EPHA7: variants seen among roughly 807,000 people sequenced by gnomAD.
EPHA7 encodes EPH receptor A7.
A neutral mutation model predicts 112.6 loss-of-function variants in EPHA7; 25 were observed. That is an observed-to-expected ratio of 0.22 (90% CI 0.16 to 0.31). The LOEUF is 0.31. Among genes scored for constraint, EPHA7 ranks in the 10% least tolerant of loss-of-function variants. The probability of loss-of-function intolerance (pLI) is 1.00; values close to 1 mark genes in which losing one functional copy is unlikely to be tolerated. For synonymous variants in EPHA7, 437 were observed against 406.5 expected, an observed-to-expected ratio of 1.07 and a Z score of -0.90; for missense variants, 962 against 1,212.6, an observed-to-expected ratio of 0.79 and a Z score of 3.07.
At chr6:93,300,178 C>G (rs1014204365) in intron 5 of EPHA7, among the ~76,000 whole-genome samples, 1 of 152,088 alleles carries the variant, frequency 6.6e-6, no homozygotes, top group Admixed American at 6.5e-5. Context: ...TTGTTTCTCA[C>G]GTGAGAAGCA....
At position 93,242,403 on chromosome 6, in the gene EPHA7, A is replaced by G. The variant is rs1232332545; in HGVS notation, c.*1023T>C. 7 of 194,766 alleles carry G rather than the reference A, an allele frequency of 3.6e-5. No homozygotes were observed. Among genetic ancestry groups the G allele is most frequent in the African/African-American group, 1.6e-4 (7 of 43,266 alleles). 12.1% of individuals were successfully genotyped at this position (194,766 alleles called of 1,614,324 possible). ...TCCTTTCATGTTTGGACTGCATTCA[A>G]CAGAAGAGGATATAAAATATATGTC... On this transcript the variant is annotated 3_prime_UTR_variant, in exon 17 of 17. Transcript: ENST00000369303.
At chr6:93,369,474 T>G (rs1304991595) in intron 3 of EPHA7, among the ~76,000 whole-genome samples, 4 of 152,192 alleles carry the variant, frequency 2.6e-5, no homozygotes, top group African/African-American at 4.8e-5. Context: ...GCAGAAAAAG[T>G]AGCTACATAT....
chr6:93,409,164 G>A (rs1364303483), intron 3 of EPHA7, among the ~76,000 whole-genome samples: 1 of 151,990 alleles, frequency 6.6e-6, no homozygotes, highest in Admixed American at 6.6e-5. Flanking sequence ...CTACTAGAAT[G>A]AGAATTTTAT....
At chr6:93,388,927 C>G (rs75438227) in intron 3 of EPHA7, among the ~76,000 whole-genome samples, 1 of 151,748 alleles carries the variant, frequency 6.6e-6, no homozygotes, top group Non-Finnish European at 1.5e-5. Context: ...TAAAAAATGA[C>G]GCTGGAGAGT....
At chr6:93,271,318 A>G (rs1771206982) in intron 6 of EPHA7, among the ~76,000 whole-genome samples, 1 of 151,892 alleles carries the variant, frequency 6.6e-6, no homozygotes, top group Non-Finnish European at 1.5e-5. Flanking sequence ...AATGTACTAT[A>G]TACATTTCAA....
chr6:93,414,890 G>T, intron 1 of EPHA7, 123 bp from the exon 2 acceptor site: 1 of 724,076 alleles, frequency 1.4e-6, no homozygotes. Flanking sequence ...AGTTATTTAT[G>T]TAAATCAATG....
chr6:93,311,112 C>CTTTTTTT (rs1434719790), intron 5 of EPHA7, among the ~76,000 whole-genome samples: 3 of 71,026 alleles, frequency 4.2e-5, no homozygotes, highest in African/African-American at 6.7e-5. Flanking sequence ...TCATGCCCAG[C>CTTTTTTT]TATTTTTTTT....
rs149128001 is a variant in EPHA7 at position 93,415,434 on chromosome 6, A to T, written c.98-667T>A. 8.7e-4 allele frequency among the ~76,000 whole-genome samples: 132 copies of T among 152,046 alleles called. 1 individual carries two copies. Among genetic ancestry groups the T allele is most frequent in the African/African-American group, 3.1e-3 (127 of 41,532 alleles). Reference sequence around the variant, plus strand: ...ATAGATAATTCTCAAAATGGTATCAACTCTGACTTCTAATCACTTGTATTT... The same window carrying T: ...ATAGATAATTCTCAAAATGGTATCATCTCTGACTTCTAATCACTTGTATTT... On this transcript the variant is annotated intron_variant, in intron 1 of 16. Coordinates refer to ENST00000369303, the MANE Select transcript of EPHA7 (RefSeq NM_004440.4).
At position 93,414,727 on chromosome 6, in the gene EPHA7, C is replaced by A; in HGVS notation, c.138G>T (p.Glu46Asp). The change falls in exon 2 of 17, where the codon GAG becomes GAT. Residue 46 changes from glutamate to aspartate, a missense_variant. Glu to Asp is a conservative substitution (Grantham distance 45, BLOSUM62 2). Around this residue, in one of 3 missense-constraint regions of EPHA7, gnomAD observed 56 missense variants for 59.9 expected, o/e 0.94. Transcript: ENST00000369303. ...LDSKAQQTEL[E>D]WISSPPNGWE... Reference sequence around the variant, plus strand: ...CCCCATTGGGTGGAGAGGAAATCCACTCCAACTCTGTTTGTTGTGCTTTAG... The same window carrying A: ...CCCCATTGGGTGGAGAGGAAATCCAATCCAACTCTGTTTGTTGTGCTTTAG... 6.2e-7 allele frequency: 1 copy of A among 1,612,664 alleles called. No homozygotes were observed. Among genetic ancestry groups the A allele is most frequent in the East Asian group, 2.2e-5 (1 of 44,760 alleles).
chr6:93,257,719 T>G (rs1236674206), intron 11 of EPHA7, among the ~76,000 whole-genome samples, 196 bp from the exon 12 acceptor site: 1 of 152,052 alleles, frequency 6.6e-6, no homozygotes, highest in Non-Finnish European at 1.5e-5. Context: ...TTCATAAAAT[T>G]AAACCATATA....
At chr6:93,375,072 C>G (rs1776986503) in intron 3 of EPHA7, among the ~76,000 whole-genome samples, 1 of 151,984 alleles carries the variant, frequency 6.6e-6, no homozygotes. Flanking sequence ...TTAATAATTT[C>G]AACAAGTAAG....
At chr6:93,331,415 C>T (rs1181830132) in intron 5 of EPHA7, among the ~76,000 whole-genome samples, 1 of 150,810 alleles carries the variant, frequency 6.6e-6, no homozygotes, top group South Asian at 2.1e-4. Flanking sequence ...TACATGCCTT[C>T]CTGAAATATG....
intron 5 of EPHA7, among the ~76,000 whole-genome samples, chr6:93,333,980 T>TA (rs773835420): frequency 1.3e-5 from 2 of 151,854 alleles, no homozygotes; most frequent in Non-Finnish European, 2.9e-5. Context: ...AGAGCTGACT[T>TA]ACTCAGGACA....
intron 3 of EPHA7, among the ~76,000 whole-genome samples, chr6:93,393,589 T>A (rs1305792176): frequency 6.6e-6 from 1 of 151,830 alleles, no homozygotes; most frequent in Non-Finnish European, 1.5e-5. Flanking sequence ...AACCCTATAT[T>A]GGGCTAGGAC....
intron 5 of EPHA7, among the ~76,000 whole-genome samples, chr6:93,291,313 G>A (rs1397125687): frequency 6.6e-6 from 1 of 152,048 alleles, no homozygotes. Flanking sequence ...TTTAAAATAA[G>A]AACTTTTGAA....
rs992242940 is a variant in EPHA7, at chr6:93,241,970, C to A, written c.*1456G>T. Reference sequence around the variant, plus strand: ...CCCTGGGATCTTTCTCTATTAAAATCATTATAAACAGCCCAATTCTCTTTG... The same window carrying A: ...CCCTGGGATCTTTCTCTATTAAAATAATTATAAACAGCCCAATTCTCTTTG... On this transcript the variant is annotated 3_prime_UTR_variant, in exon 17 of 17. Coordinates refer to ENST00000369303, the MANE Select transcript of EPHA7 (RefSeq NM_004440.4). 2 of 213,244 alleles carry A rather than the reference C, an allele frequency of 9.4e-6. No homozygotes were observed. The highest frequency in any genetic ancestry group is 1.9e-5 in the Non-Finnish European group (2 of 105,162). 13.2% of individuals were successfully genotyped at this position (213,244 alleles called of 1,614,324 possible).
chr6:93,289,587 G>A (rs1772250655), intron 5 of EPHA7, among the ~76,000 whole-genome samples: 2 of 151,938 alleles, frequency 1.3e-5, no homozygotes, highest in Admixed American at 1.3e-4. Context: ...TCGCGCCACT[G>A]CACTGGAGCC....
chr6:93,282,131 G>T (rs1771775259), intron 5 of EPHA7, among the ~76,000 whole-genome samples: 2 of 152,106 alleles, frequency 1.3e-5, no homozygotes, highest in Admixed American at 1.3e-4. Flanking sequence ...TTAAGAAACA[G>T]TAAATCATGT....
At chr6:93,416,684 C>T (rs1377454897) in intron 1 of EPHA7, among the ~76,000 whole-genome samples, 1 of 152,224 alleles carries the variant, frequency 6.6e-6, no homozygotes. Flanking sequence ...GTGCCGACCT[C>T]CCTTTGCGCC....
Sources: allele counts gnomAD v4.1 joint callset (sites outside exome capture counted in the v4.1 genomes callset), GRCh38; gene constraint gnomAD v4.1.1; regional missense constraint gnomAD v4.1.1; transcripts MANE v1.5; gene names NCBI Gene and HGNC (gene_info 2026-07-23, HGNC 2026-07-21).